Variants in HS3ST4 observed in about 807,000 individuals in gnomAD.
HS3ST4 encodes heparan sulfate-glucosamine 3-sulfotransferase 4.
In HS3ST4, 17 loss-of-function variants were observed where a neutral mutation model predicts 29.2. That is an observed-to-expected ratio of 0.58 (90% CI 0.40 to 0.87). The LOEUF is 0.87. Ranked by LOEUF, HS3ST4 falls within the 40% of genes least tolerant of loss-of-function variation. The pLI, the probability that HS3ST4 is intolerant of heterozygous loss-of-function variation, is 0.00. For missense variants in HS3ST4, 627 were observed against 634.5 expected (o/e 0.99, Z 0.13); for synonymous variants, 314 against 285.7 (o/e 1.10, Z -1.00).
At chr16:26,119,837 C>T (rs906696933) in intron 1 of HS3ST4, among the ~76,000 whole-genome samples, 1 of 152,084 alleles carries the variant, frequency 6.6e-6, no homozygotes, top group Non-Finnish European at 1.5e-5. Context: ...AGCTTGCATT[C>T]TTTAGGAGAC....
intron 1 of HS3ST4, among the ~76,000 whole-genome samples, chr16:26,002,937 T>C (rs1969225280): frequency 6.9e-6 from 1 of 144,292 alleles, no homozygotes; most frequent in South Asian, 2.2e-4. Flanking sequence ...AGATGCATTC[T>C]TACATTTTTT....
chr16:26,020,905 A>G (rs1969406546), intron 1 of HS3ST4, among the ~76,000 whole-genome samples: 1 of 152,210 alleles, frequency 6.6e-6, no homozygotes, highest in Non-Finnish European at 1.5e-5. Context: ...TTGGTGAATT[A>G]ATGATCTATG....
chr16:25,798,562 G>C (rs977712924), intron 1 of HS3ST4, among the ~76,000 whole-genome samples: 2 of 152,142 alleles, frequency 1.3e-5, no homozygotes, highest in Non-Finnish European at 2.9e-5. Flanking sequence ...ATTGGCTAAA[G>C]AAAGCCACAT....
At chr16:25,920,356 T>A (rs1309639995) in intron 1 of HS3ST4, among the ~76,000 whole-genome samples, 3 of 152,166 alleles carry the variant, frequency 2.0e-5, no homozygotes, top group Admixed American at 1.3e-4. Context: ...GCCGTACTCA[T>A]TATCATACCC....
intron 1 of HS3ST4, among the ~76,000 whole-genome samples, chr16:25,756,673 G>A (rs974409913): frequency 3.9e-5 from 6 of 152,166 alleles, no homozygotes; most frequent in African/African-American, 1.4e-4. Context: ...TCCTTGCGGT[G>A]AAACTGCTTT....
At chr16:25,961,804 GA>G (rs975791986) in intron 1 of HS3ST4, among the ~76,000 whole-genome samples, 1 of 115,626 alleles carries the variant, frequency 8.6e-6, no homozygotes, top group Non-Finnish European at 1.7e-5. Context: ...GAAAGAGTTG[GA>G]CAAAAAAAAA....
At chr16:25,983,859 T>G (rs1201249571) in intron 1 of HS3ST4, among the ~76,000 whole-genome samples, 1 of 152,096 alleles carries the variant, frequency 6.6e-6, no homozygotes, top group Non-Finnish European at 1.5e-5. Flanking sequence ...CGTGGGGCTG[T>G]GGGGGTTGCA....
intron 1 of HS3ST4, among the ~76,000 whole-genome samples, chr16:25,917,961 A>G (rs975872213): frequency 6.6e-6 from 1 of 152,156 alleles, no homozygotes; most frequent in Non-Finnish European, 1.5e-5. Context: ...GATTCACCCC[A>G]TCCATGCTTA....
intron 1 of HS3ST4, among the ~76,000 whole-genome samples, chr16:25,882,253 A>G (rs1453918998): frequency 1.3e-5 from 2 of 152,176 alleles, no homozygotes; most frequent in East Asian, 3.8e-4. Flanking sequence ...TGGTCAAGGT[A>G]GTTGTTAGAG....
At chr16:26,015,773 AGAAAAGTT>A (rs1182182766) in intron 1 of HS3ST4, among the ~76,000 whole-genome samples, 1 of 152,212 alleles carries the variant, frequency 6.6e-6, no homozygotes, top group Non-Finnish European at 1.5e-5. Flanking sequence ...AGGAGCCAGA[AGAAAAGTT>A]AGGCCTCCTT....
At chr16:25,922,589 C>A (rs999151469) in intron 1 of HS3ST4, among the ~76,000 whole-genome samples, 3 of 152,222 alleles carry the variant, frequency 2.0e-5, no homozygotes, top group African/African-American at 7.2e-5. Flanking sequence ...GTTGTTTATT[C>A]AACAGATATT....
At chr16:25,767,297 G>A (rs73528133) in intron 1 of HS3ST4, among the ~76,000 whole-genome samples, 3,554 of 152,252 alleles carry the variant, frequency 0.023, 156 homozygotes, top group African/African-American at 0.081. Context: ...TTCTTGAGGA[G>A]TTTCCTCCTT....
At chr16:26,018,978 C>T (rs1969386395) in intron 1 of HS3ST4, among the ~76,000 whole-genome samples, 1 of 152,180 alleles carries the variant, frequency 6.6e-6, no homozygotes, top group Admixed American at 6.5e-5. Context: ...ACCTGCCTGG[C>T]TCCTGCCACT....
At chr16:25,965,967 T>C (rs997712295) in intron 1 of HS3ST4, among the ~76,000 whole-genome samples, 3 of 152,176 alleles carry the variant, frequency 2.0e-5, no homozygotes, top group Non-Finnish European at 1.5e-5. Flanking sequence ...GTGTGAACCA[T>C]TGCACCTGGC....
At chr16:26,041,354 A>T (rs889609987) in intron 1 of HS3ST4, among the ~76,000 whole-genome samples, 1 of 151,680 alleles carries the variant, frequency 6.6e-6, no homozygotes, top group Admixed American at 6.6e-5. Context: ...AATAATAATA[A>T]TGATAATAAT....
At chr16:26,092,871 G>T (rs190205380) in intron 1 of HS3ST4, among the ~76,000 whole-genome samples, 1 of 152,048 alleles carries the variant, frequency 6.6e-6, no homozygotes, top group Non-Finnish European at 1.5e-5. Flanking sequence ...CTGGAAAAAC[G>T]GGACACTCCC....
At chr16:26,047,139 T>C (rs1898281198) in intron 1 of HS3ST4, among the ~76,000 whole-genome samples, 1 of 152,244 alleles carries the variant, frequency 6.6e-6, no homozygotes, top group African/African-American at 2.4e-5. Flanking sequence ...AAGTACTCAT[T>C]GGCTAATTAG....
At chr16:25,706,401 T>A (rs1010220025) in intron 1 of HS3ST4, among the ~76,000 whole-genome samples, 34 of 152,282 alleles carry the variant, frequency 2.2e-4, no homozygotes, top group African/African-American at 7.2e-4. Context: ...ATATATTTTT[T>A]AATTTTACTT....
chr16:25,888,015 G>A (rs1967972615), intron 1 of HS3ST4, among the ~76,000 whole-genome samples: 1 of 152,094 alleles, frequency 6.6e-6, no homozygotes, highest in Admixed American at 6.6e-5. Flanking sequence ...TTGATTTGGG[G>A]TGTGTATCCA....
Sources: gnomAD v4.1 joint callset for allele counts (sites outside exome capture counted in the v4.1 genomes callset) on GRCh38, gnomAD v4.1.1 for gene constraint, MANE v1.5 for transcripts, NCBI Gene and HGNC (gene_info 2026-07-23, HGNC 2026-07-21) for gene names.